The following SEMA3A variants were observed in gnomAD, a reference collection of about 807,000 sequenced individuals.
SEMA3A encodes semaphorin 3A.
SEMA3A carries 29 observed loss-of-function variants against 97.9 expected under a neutral mutation model. That is an observed-to-expected ratio of 0.30 (90% CI 0.22 to 0.40). The LOEUF (loss-of-function observed/expected upper bound fraction) is 0.40. Ranked by LOEUF, SEMA3A falls within the 10% of genes least tolerant of loss-of-function variation. The pLI, the probability that SEMA3A is intolerant of heterozygous loss-of-function variation, is 1.00. For missense variants in SEMA3A, 763 were observed against 951.3 expected (o/e 0.80, Z 2.60); for synonymous variants, 321 against 323.7 (o/e 0.99, Z 0.09).
chr7:84,446,914 G>A (rs1805427826), intron 1 of SEMA3A, among the ~76,000 whole-genome samples: 1 of 152,084 alleles, frequency 6.6e-6, no homozygotes, highest in South Asian at 2.1e-4. Context: ...GGTGGGGCAG[G>A]AGCCCCGCAC....
intron 13 of SEMA3A, among the ~76,000 whole-genome samples, chr7:83,983,420 T>A (rs1562953667): frequency 6.6e-6 from 1 of 151,942 alleles, no homozygotes; most frequent in Non-Finnish European, 1.5e-5. Flanking sequence ...GCCAATAACG[T>A]CTAAGAAGCA....
rs538225367 is a variant in SEMA3A, at chr7:84,406,077, A to C, written c.-245-34177T>G. On this transcript the variant is annotated intron_variant, in intron 1 of 3. Transcript: ENST00000424555. ...GCAAAACTGAAGGAAATAGAGACAC[A>C]AAAAAACCTTCAAAAAATCAATGAA... 8.5e-5 allele frequency among the ~76,000 whole-genome samples: 13 copies of C among 152,272 alleles called. No homozygotes were observed. In the South Asian group the frequency reaches 2.5e-3, roughly 29 times the overall value.
intron 1 of SEMA3A, among the ~76,000 whole-genome samples, chr7:84,138,492 G>C (rs976197001): frequency 1.3e-5 from 2 of 152,060 alleles, no homozygotes; most frequent in Non-Finnish European, 2.9e-5. Flanking sequence ...GGTGAATTCT[G>C]TAAATTAGTT....
intron 1 of SEMA3A, among the ~76,000 whole-genome samples, chr7:84,150,546 G>C (rs972372179): frequency 6.6e-6 from 1 of 152,094 alleles, no homozygotes; most frequent in African/African-American, 2.4e-5. Context: ...CTTAAAAAAC[G>C]GCGCATCACG....
intron 2 of SEMA3A, among the ~76,000 whole-genome samples, chr7:84,356,665 TG>T (rs1347493334): frequency 1.3e-5 from 2 of 151,994 alleles, no homozygotes; most frequent in Admixed American, 6.6e-5. Flanking sequence ...GTGATATTTT[TG>T]TTTTTTTGAT....
At chr7:84,377,454 G>A (rs1803131283) in intron 1 of SEMA3A, among the ~76,000 whole-genome samples, 1 of 151,990 alleles carries the variant, frequency 6.6e-6, no homozygotes, top group South Asian at 2.1e-4. Context: ...CTGTTCCATT[G>A]GTCTATGTGT....
intron 1 of SEMA3A, among the ~76,000 whole-genome samples, chr7:84,435,155 T>C (rs1436566048): frequency 6.6e-6 from 1 of 151,988 alleles, no homozygotes; most frequent in Non-Finnish European, 1.5e-5. Flanking sequence ...TTCAGTAAAG[T>C]TTCAGGATAC....
In SEMA3A at chr7:83,961,544, G is replaced by C. The variant is rs2116247143; in HGVS notation, c.2143C>G (p.Leu715Val). The C allele has an allele frequency of 6.2e-7, 1 of 1,614,106 alleles. No homozygotes were observed. Residue 715 changes from leucine to valine, a missense_variant, in exon 17 of 17, where the codon CTC (leucine) becomes GTC (valine). Physicochemically the swap from Leu to Val is conservative, Grantham distance 32. Around this residue, in one of 2 missense-constraint regions of SEMA3A, gnomAD observed 678 missense variants for 881.3 expected, o/e 0.77. Coordinates refer to ENST00000265362, the MANE Select transcript of SEMA3A (RefSeq NM_006080.3). ...DFMQLINHPN[L>V]NTMDEFCEQV... ...TCACAGAACTCATCCATTGTGTTGAGATTGGGGTGGTTGATGAGCTGCATG... is the reference window on the plus strand; with the variant it reads ...TCACAGAACTCATCCATTGTGTTGACATTGGGGTGGTTGATGAGCTGCATG...
intron 3 of SEMA3A, among the ~76,000 whole-genome samples, chr7:84,229,984 C>A (rs58826908): frequency 0.02 from 3,070 of 152,106 alleles, 47 homozygotes; most frequent in Non-Finnish European, 0.034. Flanking sequence ...TCTTACCCCC[C>A]CTTTACTCTA....
chr7:84,437,265 G>A (rs752891775), intron 1 of SEMA3A, among the ~76,000 whole-genome samples: 3 of 152,074 alleles, frequency 2.0e-5, no homozygotes, highest in Non-Finnish European at 4.4e-5. Context: ...ATGAACTGAA[G>A]TAGACGGAAA....
intron 2 of SEMA3A, among the ~76,000 whole-genome samples, chr7:84,311,131 T>C (rs1293660237): frequency 6.6e-6 from 1 of 151,928 alleles, no homozygotes; most frequent in East Asian, 1.9e-4. Context: ...ATTTTATTAA[T>C]AATCTGAAAA....
intron 1 of SEMA3A, among the ~76,000 whole-genome samples, chr7:84,184,548 T>C (rs905909643): frequency 6.6e-6 from 1 of 152,118 alleles, no homozygotes; most frequent in Middle Eastern, 3.2e-3. Context: ...TGAGATTTAT[T>C]TGGAGAAGTC....
At chr7:84,159,758 A>G (rs1287905904) in intron 1 of SEMA3A, among the ~76,000 whole-genome samples, 2 of 152,198 alleles carry the variant, frequency 1.3e-5, no homozygotes, top group Admixed American at 6.6e-5. Context: ...CAGTCTCAGG[A>G]TTAATGCTTC....
intron 4 of SEMA3A, among the ~76,000 whole-genome samples, chr7:84,063,849 G>A (rs1793360830): frequency 6.7e-6 from 1 of 149,618 alleles, no homozygotes; most frequent in East Asian, 2.0e-4. Flanking sequence ...CACTCTGCAG[G>A]ATATTATCCA....
At chr7:84,342,719 C>A (rs796623223) in intron 2 of SEMA3A, among the ~76,000 whole-genome samples, 3 of 152,084 alleles carry the variant, frequency 2.0e-5, no homozygotes, top group African/African-American at 7.2e-5. Context: ...TAATAGTATT[C>A]TTAAAATTGA....
upstream of SEMA3A, among the ~76,000 whole-genome samples, chr7:84,199,525 G>C (rs964631832): frequency 6.6e-6 from 1 of 151,128 alleles, no homozygotes; most frequent in African/African-American, 2.4e-5. Context: ...ATTGAGACAT[G>C]TAAAAAACAT....
intron 3 of SEMA3A, among the ~76,000 whole-genome samples, chr7:84,273,290 A>C (rs1403724079): frequency 6.6e-6 from 1 of 152,134 alleles, no homozygotes; most frequent in Non-Finnish European, 1.5e-5. Context: ...TATCAGCAAC[A>C]TTCCTCTAGC....
intron 13 of SEMA3A, among the ~76,000 whole-genome samples, chr7:83,984,741 C>A (rs2535785): frequency 4.7e-5 from 7 of 150,150 alleles, no homozygotes; most frequent in African/African-American, 1.5e-4. Flanking sequence ...TATTTAGAAG[C>A]AATTGACTTT....
chr7:84,265,615 T>C (rs1799976374), intron 3 of SEMA3A, among the ~76,000 whole-genome samples: 1 of 150,770 alleles, frequency 6.6e-6, no homozygotes, highest in Non-Finnish European at 1.5e-5. Context: ...CATTAACCAA[T>C]ATTTTGAATG....
Sources: gnomAD v4.1 joint callset for allele counts (sites outside exome capture counted in the v4.1 genomes callset) on GRCh38, gnomAD v4.1.1 for gene constraint, gnomAD v4.1.1 regional missense constraint, MANE v1.5 for transcripts, NCBI Gene and HGNC (gene_info 2026-07-23, HGNC 2026-07-21) for gene names.